CLCN5: variants seen among roughly 807,000 people sequenced by gnomAD.
CLCN5 encodes the protein Cl-/H+ antiporter 5.
A neutral mutation model predicts 54.0 loss-of-function variants in CLCN5; 17 were observed. The ratio of observed to expected loss-of-function variants is 0.31; its 90% confidence interval spans 0.22 to 0.47. The LOEUF (loss-of-function observed/expected upper bound fraction) is 0.47, where lower values mean the gene tolerates loss of function less well. Among genes scored for constraint, CLCN5 ranks in the 20% least tolerant of loss-of-function variants. The probability of loss-of-function intolerance (pLI) is 1.00; values close to 1 mark genes in which losing one functional copy is unlikely to be tolerated. For missense variants in CLCN5, 448 were observed against 646.7 expected, an observed-to-expected ratio of 0.69 and a Z score of 3.33; for synonymous variants, 222 against 233.0, an observed-to-expected ratio of 0.95 and a Z score of 0.43.
intron 3 of CLCN5, among the ~76,000 whole-genome samples, chrX:49,935,698 A>G (rs1925920336): frequency 9.0e-6 from 1 of 111,544 alleles, no homozygotes; most frequent in African/African-American, 3.3e-5. Flanking sequence ...GGGGAACAGC[A>G]TCCCAGGCAG....
intron 4 of CLCN5, among the ~76,000 whole-genome samples, chrX:50,043,382 A>G (rs1557187442): frequency 1.8e-5 from 2 of 112,160 alleles, no homozygotes. Flanking sequence ...TATGTCTTCT[A>G]GGCATATGAG....
chrX:50,070,111 C>T, intron 5 of CLCN5, 81 bp downstream of exon 5: 1 of 941,187 alleles, frequency 1.1e-6, no homozygotes, highest in African/African-American at 1.9e-5. Flanking sequence ...TCTATTCTTT[C>T]CTTTCTTCAG....
At chrX:50,069,857 G>A (rs1933163944) in intron 4 of CLCN5, 22 bp from the exon 5 acceptor site, 7 of 1,182,976 alleles carry the variant, frequency 5.9e-6, no homozygotes, top group Non-Finnish European at 7.9e-6. Context: ...AAGTACTAAT[G>A]TCTATTTCTT....
rs1411194507 is a variant in CLCN5 at position 50,095,959 on chromosome X, A to G, written c.*3740A>G. On this transcript the variant is annotated 3_prime_UTR_variant, in exon 15 of 15. Coordinates refer to ENST00000376091, the MANE Select transcript of CLCN5 (RefSeq NM_001127898.4). ...GTTTTGTTTTGTTTTTAAATAATGA[A>G]CAGTGCAATCTTTGAACTTGAGTTT... 2 of 112,296 alleles carry G rather than the reference A, an allele frequency of 1.8e-5. No homozygotes were observed. Among genetic ancestry groups the G allele is most frequent in the Non-Finnish European group, 3.8e-5 (2 of 53,295 alleles). The allele number at this position is 112,296 out of a possible 1,213,427, so 9.3% of individuals were successfully genotyped here.
rs782783379 is a variant in CLCN5 at position 50,081,622 on chromosome X, T to G, written c.727-19T>G. The stretch of plus-strand genomic sequence containing the variant: ...GACTTCCTTAGTCTATATTCAATCT[T>G]TCTGTGTTTAACCTGCAGATAAAAA... On this transcript the variant is annotated intron_variant, in intron 8 of 14. Transcript: ENST00000376091. The G allele has an allele frequency of 1.7e-6, 2 of 1,171,012 alleles. No homozygotes were observed. Among genetic ancestry groups the G allele is most frequent in the Non-Finnish European group, 1.2e-6 (1 of 859,013 alleles).
chrX:50,080,505 T>C (rs1442258321), intron 7 of CLCN5, 89 bp from the exon 8 acceptor site: 6 of 873,672 alleles, frequency 6.9e-6, no homozygotes, highest in Admixed American at 7.0e-5. Context: ...TTTTGGACTT[T>C]TTTTCCTGAA....
chrX:50,090,045 C>G, intron 12 of CLCN5, 71 bp from the exon 13 acceptor site: 1 of 1,118,128 alleles, frequency 8.9e-7, no homozygotes. Context: ...TCAGCTTTTC[C>G]TGGAAAGGCC....
At chrX:50,088,979 C>T (rs1283645625) in intron 12 of CLCN5, 95 bp downstream of exon 12, 15 of 826,711 alleles carry the variant, frequency 1.8e-5, no homozygotes, top group East Asian at 6.4e-5. Context: ...AATTTAAATG[C>T]CCATCCCTTT....
At chrX:49,935,996 G>C (rs1925939999) in intron 3 of CLCN5, among the ~76,000 whole-genome samples, 1 of 111,266 alleles carries the variant, frequency 9.0e-6, no homozygotes, top group Non-Finnish European at 1.9e-5. Flanking sequence ...AGAGTGCCCA[G>C]CACATAGTAT....
chrX:50,068,803 T>G (rs1268384379), intron 4 of CLCN5, among the ~76,000 whole-genome samples: 1 of 111,500 alleles, frequency 9.0e-6, no homozygotes, highest in East Asian at 2.8e-4. Flanking sequence ...GCTGCAAATG[T>G]GAGCTTTGGC....
In CLCN5 at chrX:50,025,538, A is replaced by G. The variant is rs188578802; in HGVS notation, c.17-16778A>G. ...GCCCCTTTTCATAACTTTTCTTACA[A>G]CTTTCACAATCTTCAACATGCCTTA... On this transcript the variant is annotated intron_variant, in intron 3 of 14. Coordinates refer to ENST00000376091, the MANE Select transcript of CLCN5 (RefSeq NM_001127898.4). Among the ~76,000 whole-genome samples, 203 of 111,175 alleles carry G rather than the reference A, an allele frequency of 1.8e-3. 1 individual carries two copies. The highest frequency in any genetic ancestry group is 6.6e-3 in the African/African-American group (202 of 30,543).
At chrX:50,037,251 G>T (rs1334797905) in intron 3 of CLCN5, among the ~76,000 whole-genome samples, 2 of 112,227 alleles carry the variant, frequency 1.8e-5, no homozygotes, top group Admixed American at 9.5e-5. Flanking sequence ...TAATAAATCA[G>T]GTTAAATCTG....
chrX:50,082,205 A>G (rs2147583162), intron 9 of CLCN5, among the ~76,000 whole-genome samples: 1 of 112,193 alleles, frequency 8.9e-6, no homozygotes, highest in African/African-American at 3.2e-5. Flanking sequence ...ATTTGATTTT[A>G]AAAGCCAGTT....
intron 3 of CLCN5, among the ~76,000 whole-genome samples, chrX:49,987,380 A>G (rs1208326942): frequency 5.4e-5 from 6 of 112,107 alleles, no homozygotes; most frequent in Non-Finnish European, 9.4e-5. Flanking sequence ...CATTTCTCAT[A>G]GAAGGTGGAT....
In CLCN5 at chrX:50,086,774, C is replaced by T. The variant is rs1933904102; in HGVS notation, c.1461C>T (p.Asp487=). 8.3e-7 allele frequency: 1 copy of T among 1,209,093 alleles called. No homozygotes were observed. The highest frequency in any genetic ancestry group is 2.2e-5 in the Admixed American group (1 of 45,568). ...CAAGCAAAGGGGGTGAACTGCCTGA[C>T]AGACCGGCTGGCGTGGGAGTCTACA... ...FNTSKGGELP[D]RPAGVGVYSA... The change falls in exon 11 of 15, where the codon GAC becomes GAT. Residue 487 remains aspartate, a synonymous_variant. Transcript: ENST00000376091.
intron 3 of CLCN5, among the ~76,000 whole-genome samples, chrX:49,963,680 G>C (rs962747050): frequency 3.6e-5 from 4 of 111,986 alleles, no homozygotes; most frequent in Non-Finnish European, 3.8e-5. Flanking sequence ...AGTGAATTCC[G>C]TGTCAGAGTT....
At chrX:50,010,560 A>C (rs1930449680) in intron 3 of CLCN5, 1 of 115,103 alleles carries the variant, frequency 8.7e-6, no homozygotes, top group Admixed American at 9.4e-5. Context: ...TGTCGAAGCA[A>C]CTTCTCTCTA....
intron 3 of CLCN5, among the ~76,000 whole-genome samples, chrX:49,964,065 AGCACCAACAAT>A (rs1291154745): frequency 6.2e-5 from 7 of 112,280 alleles, no homozygotes; most frequent in Non-Finnish European, 1.3e-4. Flanking sequence ...CCATTTATTG[AGCACCAACAAT>A]GTGCCAGAAA....
chrX:49,942,222 T>C (rs782783376), intron 3 of CLCN5, among the ~76,000 whole-genome samples: 21 of 88,230 alleles, frequency 2.4e-4, no homozygotes, highest in South Asian at 6.7e-4. Flanking sequence ...TCCTTTCAAA[T>C]TCATATCTAG....
Sources: allele counts gnomAD v4.1 joint callset (sites outside exome capture counted in the v4.1 genomes callset), GRCh38; gene constraint gnomAD v4.1.1; transcripts MANE v1.5; gene names NCBI Gene and HGNC (gene_info 2026-07-23, HGNC 2026-07-21).